AOX1: variants seen among roughly 807,000 people sequenced by gnomAD.
The protein encoded by AOX1 is aldehyde oxidase 1.
AOX1 carries 153 observed loss-of-function variants against 169.5 expected under a neutral mutation model. That is an observed-to-expected ratio of 0.90 (90% CI 0.79 to 1.03). The LOEUF (loss-of-function observed/expected upper bound fraction) is 1.03, where lower values mean the gene tolerates loss of function less well. Among genes scored for constraint, AOX1 ranks in the 50% least tolerant of loss-of-function variants. The pLI, the probability that AOX1 is intolerant of heterozygous loss-of-function variation, is 0.00. For synonymous variants in AOX1, 562 were observed against 581.9 expected (o/e 0.97, Z 0.49); for missense variants, 1,656 against 1,663.9 (o/e 1.00, Z 0.08).
chr2:200,604,244 C>T (rs2034470680), intron 8 of AOX1, 147 bp downstream of exon 8: 2 of 649,948 alleles, frequency 3.1e-6, no homozygotes, highest in African/African-American at 3.6e-5. Context: ...AGAGTATGGA[C>T]TAAGGAAGAG....
chr2:200,605,920 C>T (rs936081299), intron 10 of AOX1, among the ~76,000 whole-genome samples: 2 of 152,144 alleles, frequency 1.3e-5, no homozygotes, highest in Non-Finnish European at 2.9e-5. Flanking sequence ...AAACTTTTCT[C>T]GCATTCTGTA....
At chr2:200,625,839 T>C (rs1357151363) in intron 19 of AOX1, among the ~76,000 whole-genome samples, 2 of 152,208 alleles carry the variant, frequency 1.3e-5, no homozygotes, top group African/African-American at 4.8e-5. Context: ...AAGTGTGTTA[T>C]CAATCAAAAT....
chr2:200,639,327 C>T (rs748748037), intron 23 of AOX1, among the ~76,000 whole-genome samples: 5 of 152,246 alleles, frequency 3.3e-5, no homozygotes, highest in East Asian at 1.9e-4. Context: ...TTTTAGGCAC[C>T]GGACCTGTAA....
At chr2:200,597,532 C>A in intron 4 of AOX1, 27 bp downstream of exon 4, 1 of 1,525,274 alleles carries the variant, frequency 6.6e-7, no homozygotes. Flanking sequence ...TCCTTATAGG[C>A]TTTCTGTGCT....
At position 200,642,703 on chromosome 2, in the gene AOX1, A is replaced by G. The variant is rs1574946847; in HGVS notation, c.2749A>G (p.Asn917Asp). ...GGCATGCAGAACCAACCTTCCATCCAACACAGCTTTTCGTGGGTTTGGCTT... is the reference window on the plus strand; with the variant it reads ...GGCATGCAGAACCAACCTTCCATCCGACACAGCTTTTCGTGGGTTTGGCTT... ...GWACRTNLPS[N>D]TAFRGFGFPQ... Residue 917 changes from asparagine to aspartate, a missense_variant, in exon 25 of 35, where the codon AAC becomes GAC. Transcript: ENST00000374700. 1 of 1,614,170 alleles carries G rather than the reference A, an allele frequency of 6.2e-7. No homozygotes were observed.
At chr2:200,631,346 G>A (rs1395428572) in intron 20 of AOX1, among the ~76,000 whole-genome samples, 1 of 152,114 alleles carries the variant, frequency 6.6e-6, no homozygotes, top group African/African-American at 2.4e-5. Flanking sequence ...CTGTTAGCTG[G>A]GATGTGCTTT....
rs534839032 is a variant in AOX1, at chr2:200,662,979, G to A, written c.3543+10G>A. On this transcript the variant is annotated intron_variant, in intron 31 of 34. Coordinates refer to ENST00000374700, the MANE Select transcript of AOX1 (RefSeq NM_001159.4). ...GACGGGGGATCATAAGGTCAGTACC[G>A]GTTGGAAAGGTCTTCAAGTTGCACT... is the stretch of plus-strand genomic sequence containing the variant. 100 of 1,608,520 alleles carry A rather than the reference G, an allele frequency of 6.2e-5. No homozygotes were observed. The highest frequency in any genetic ancestry group is 1.8e-4 in the East Asian group (8 of 44,846).
intron 31 of AOX1, among the ~76,000 whole-genome samples, chr2:200,664,596 T>A (rs1559262215): frequency 6.6e-6 from 1 of 152,248 alleles, no homozygotes; most frequent in African/African-American, 2.4e-5. Context: ...CTTATTTGAA[T>A]GATCTTAGGG....
Position 200,652,893 on chromosome 2 carries a change from C to T in AOX1, c.3075+1692C>T, listed in dbSNP as rs531473250. ...CAGCCTGAGCAACATAGTGAGGCCC[C>T]ATCTCTACAAAAAAGAAAAAATAAT... On this transcript the variant is annotated intron_variant, in intron 26 of 34. Transcript: ENST00000374700. 2.0e-5 allele frequency among the ~76,000 whole-genome samples: 3 copies of T among 152,240 alleles called. No homozygotes were observed. The East Asian group carries it at 5.8e-4, about 29-fold the overall frequency.
intron 1 of AOX1, among the ~76,000 whole-genome samples, chr2:200,588,774 C>T (rs1214639637): frequency 1.8e-5 from 2 of 113,240 alleles, no homozygotes; most frequent in Non-Finnish European, 3.6e-5. Context: ...CTGTTGCCTC[C>T]TGAGTAGCTG....
chr2:200,656,661 AT>A (rs1303995494), intron 26 of AOX1, among the ~76,000 whole-genome samples, 180 bp from the exon 27 acceptor site: 1 of 152,108 alleles, frequency 6.6e-6, no homozygotes, highest in Non-Finnish European at 1.5e-5. Flanking sequence ...TTTACTTTGT[AT>A]TTTAAAATAG....
intron 16 of AOX1, among the ~76,000 whole-genome samples, chr2:200,616,519 C>T (rs2034761961): frequency 6.6e-6 from 1 of 152,236 alleles, no homozygotes; most frequent in African/African-American, 2.4e-5. Flanking sequence ...ATTTGTTTAG[C>T]TTGAATGTTA....
chr2:200,677,017 G>A (rs906009717), exon 5 of AOX1: 2 of 437,790 alleles, frequency 4.6e-6, no homozygotes, highest in South Asian at 1.7e-5. Context: ...GTGAATGGAA[G>A]AACAGTAAGT....
chr2:200,588,726 C>CTTTTTTTTTTTTTTTTT (rs71807461), intron 1 of AOX1, among the ~76,000 whole-genome samples: 2,343 of 53,938 alleles, frequency 0.043, 693 homozygotes, highest in Non-Finnish European at 0.068. Flanking sequence ...CTAGAATAAG[C>CTTTTTTTTTTTTTTTTT]TTTTTTTTTT....
At chr2:200,645,654 C>T (rs1212214862) in intron 25 of AOX1, among the ~76,000 whole-genome samples, 2 of 151,758 alleles carry the variant, frequency 1.3e-5, no homozygotes, top group African/African-American at 2.4e-5. Context: ...GGTACCAATT[C>T]TTCTTTGAAT....
chr2:200,643,999 C>G (rs2035405205), intron 25 of AOX1, among the ~76,000 whole-genome samples: 1 of 152,062 alleles, frequency 6.6e-6, no homozygotes, highest in Admixed American at 6.6e-5. Context: ...TTTTCTCCCA[C>G]TCTGTGGGAT....
At chr2:200,668,400 C>T (rs765887350) in intron 32 of AOX1, among the ~76,000 whole-genome samples, 2 of 152,124 alleles carry the variant, frequency 1.3e-5, no homozygotes, top group Non-Finnish European at 2.9e-5. Context: ...TGAGCCACCA[C>T]GCCCGGCTGA....
intron 19 of AOX1, among the ~76,000 whole-genome samples, chr2:200,624,243 G>C (rs1486338549): frequency 2.0e-5 from 3 of 152,174 alleles, no homozygotes; most frequent in Non-Finnish European, 4.4e-5. Context: ...GGACTTCCTT[G>C]TTCATGTTCA....
intron 31 of AOX1, among the ~76,000 whole-genome samples, chr2:200,666,460 C>T (rs549937276): frequency 1.7e-4 from 26 of 152,152 alleles, no homozygotes; most frequent in Middle Eastern, 3.4e-3. Context: ...CCTATTATTT[C>T]CAAGAAAAAA....
Sources: gnomAD v4.1 joint callset for allele counts (sites outside exome capture counted in the v4.1 genomes callset) on GRCh38, gnomAD v4.1.1 for gene constraint, MANE v1.5 for transcripts, NCBI Gene and HGNC (gene_info 2026-07-23, HGNC 2026-07-21) for gene names.